NTRK2: variants seen among roughly 807,000 people sequenced by gnomAD.
NTRK2 encodes the protein neurotrophic receptor tyrosine kinase 2, also known as BDNF/NT-3 growth factors receptor.
In NTRK2, 13 loss-of-function variants were observed where a neutral mutation model predicts 94.5. That is an observed-to-expected ratio of 0.14 (90% CI 0.09 to 0.22). The LOEUF is 0.22. Ranked by LOEUF, NTRK2 falls within the 10% of genes least tolerant of loss-of-function variation. The pLI is 1.00. For synonymous variants in NTRK2, 372 were observed against 407.4 expected (o/e 0.91, Z 1.05); for missense variants, 639 against 1,071.2 (o/e 0.60, Z 5.63).
intron 14 of NTRK2, among the ~76,000 whole-genome samples, chr9:84,880,721 G>A (rs2076230406): frequency 6.6e-6 from 1 of 152,184 alleles, no homozygotes; most frequent in African/African-American, 2.4e-5. Flanking sequence ...GTCTTTTAAT[G>A]GAGAGAGTAA....
intron 14 of NTRK2, among the ~76,000 whole-genome samples, chr9:84,899,967 C>T (rs893635192): frequency 1.3e-5 from 2 of 152,112 alleles, no homozygotes; most frequent in South Asian, 2.1e-4. Flanking sequence ...TTAGAAAATA[C>T]GAAGGGATGC....
intron 14 of NTRK2, among the ~76,000 whole-genome samples, chr9:84,913,244 G>A (rs570591379): frequency 5.9e-5 from 9 of 152,010 alleles, no homozygotes; most frequent in Middle Eastern, 6.8e-3. Context: ...GTTGCTTTAG[G>A]CACATTTTAT....
At chr9:84,872,866 T>TC (rs2075915914) in intron 14 of NTRK2, 1 of 1,065,106 alleles carries the variant, frequency 9.4e-7, no homozygotes, top group Admixed American at 5.3e-5. Context: ...GCTAAAGCTA[T>TC]CACACAAGGC....
intron 12 of NTRK2, among the ~76,000 whole-genome samples, chr9:84,762,023 G>T (rs1026281261): frequency 6.7e-6 from 1 of 148,914 alleles, no homozygotes. Context: ...ACGATCTGAG[G>T]TTTTTTTTTT....
At position 85,022,999 on chromosome 9, in the gene NTRK2, A is replaced by C. The variant is rs1832857961; in HGVS notation, c.*1562A>C. The C allele has an allele frequency of 4.3e-6, 1 of 232,938 alleles. No homozygotes were observed. The highest frequency in any genetic ancestry group is 8.5e-6 in the Non-Finnish European group (1 of 117,952). 14.4% of individuals were successfully genotyped at this position (232,938 alleles called of 1,614,324 possible). ...AGTGGTTTCATTCCAAGTGTACTCC[A>C]TTGTCAGTATGCTGTTTTTGTTTCC... On this transcript the variant is annotated 3_prime_UTR_variant, in exon 19 of 19. Transcript: ENST00000277120.
At chr9:84,904,227 G>T (rs1365901817) in intron 14 of NTRK2, among the ~76,000 whole-genome samples, 1 of 152,168 alleles carries the variant, frequency 6.6e-6, no homozygotes, top group Non-Finnish European at 1.5e-5. Context: ...TGCTGTAAAA[G>T]GTTTAATTAT....
chr9:84,680,142 G>A (rs986057370), intron 2 of NTRK2, among the ~76,000 whole-genome samples: 4 of 152,124 alleles, frequency 2.6e-5, no homozygotes, highest in African/African-American at 9.7e-5. Flanking sequence ...TGTCATGTGG[G>A]TGGGCTGCCA....
At chr9:84,982,084 A>G (rs960969844) in intron 17 of NTRK2, among the ~76,000 whole-genome samples, 6 of 152,358 alleles carry the variant, frequency 3.9e-5, no homozygotes, top group Admixed American at 1.3e-4. Flanking sequence ...ATGCAATAGT[A>G]TCTTTCCTTT....
At chr9:84,852,349 A>T (rs1028488880) in intron 12 of NTRK2, among the ~76,000 whole-genome samples, 1 of 152,198 alleles carries the variant, frequency 6.6e-6, no homozygotes, top group African/African-American at 2.4e-5. Context: ...TAACAGGGAA[A>T]TTGTGTGTGT....
At chr9:84,988,381 A>T (rs1221997620) in intron 17 of NTRK2, among the ~76,000 whole-genome samples, 1 of 152,182 alleles carries the variant, frequency 6.6e-6, no homozygotes, top group South Asian at 2.1e-4. Flanking sequence ...TAAGGGGTGG[A>T]TCAGAGAGTG....
chr9:84,874,449 T>C (rs2075992973), intron 14 of NTRK2: 2 of 1,065,828 alleles, frequency 1.9e-6, no homozygotes, highest in Non-Finnish European at 2.3e-6. Context: ...CTGGGCTTCT[T>C]CTCAGATTAA....
In NTRK2 at chr9:84,841,638, C is replaced by T. The variant is rs577692029; in HGVS notation, c.1397-19402C>T. ...ATATCACTGTCTCCCGGAGGCCTTC[C>T]CTAACCATTGTTTTCAATTGCAGCC... On this transcript the variant is annotated intron_variant, in intron 12 of 18. Transcript: ENST00000277120. Among the ~76,000 whole-genome samples, 123 of 152,262 alleles carry T rather than the reference C, an allele frequency of 8.1e-4. 1 individual carries two copies. The highest frequency in any genetic ancestry group is 2.9e-3 in the African/African-American group (122 of 41,558).
At chr9:84,913,431 A>G (rs1211274158) in intron 14 of NTRK2, among the ~76,000 whole-genome samples, 1 of 152,192 alleles carries the variant, frequency 6.6e-6, no homozygotes, top group Admixed American at 6.5e-5. Flanking sequence ...GAAAATGTAT[A>G]ATTTTTGCTT....
intron 17 of NTRK2, among the ~76,000 whole-genome samples, chr9:84,959,138 A>T (rs555375930): frequency 4.1e-4 from 63 of 152,092 alleles, no homozygotes; most frequent in African/African-American, 1.3e-3. Context: ...ATTTTTAAAA[A>T]TTTTTTTCAT....
At chr9:84,691,502 A>T (rs1033223803) in intron 2 of NTRK2, among the ~76,000 whole-genome samples, 24 of 152,132 alleles carry the variant, frequency 1.6e-4, no homozygotes, top group African/African-American at 5.6e-4. Flanking sequence ...AGCCTGGAAA[A>T]TTTTAGTCTC....
chr9:84,675,453 C>A (rs1295328356), intron 2 of NTRK2, among the ~76,000 whole-genome samples: 2 of 150,856 alleles, frequency 1.3e-5, no homozygotes, highest in Non-Finnish European at 2.9e-5. Flanking sequence ...CATAAACTGG[C>A]CTTATCCCTC....
rs5898876 is a variant in NTRK2 at position 84,951,545 on chromosome 9, ATGTG to A, written c.1937+2925_1937+2928del. 2.0e-5 allele frequency among the ~76,000 whole-genome samples: 3 copies of A among 151,634 alleles called. No homozygotes were observed. In the East Asian group the frequency reaches 5.8e-4, roughly 29 times the overall value. On this transcript the variant is annotated intron_variant, in intron 16 of 18. Coordinates refer to ENST00000277120, the MANE Select transcript of NTRK2 (RefSeq NM_006180.6). The stretch of plus-strand genomic sequence containing the variant: ...TCACAGTGTGTCTGTACATACATGA[ATGTG>A]TGTGTGTGTGTGTTGCAACTTGACT...
Position 84,813,373 on chromosome 9 carries a change from C to T in NTRK2, c.1397-47667C>T, listed in dbSNP as rs116067020. On this transcript the variant is annotated intron_variant, in intron 12 of 18. Transcript: ENST00000277120. ...TGTCCCGATTGTTAAAAAGTTGGCT[C>T]AATTATTTTTAAAACATTTTGTAAG... The T allele has an allele frequency of 6.8e-4, 719 of 1,051,014 alleles. 5 individuals carry two copies. In the African/African-American group the frequency reaches 0.011, roughly 15 times the overall value. 65.1% of individuals were successfully genotyped at this position (1,051,014 alleles called of 1,614,324 possible). A position where few individuals can be genotyped will look rare whatever the true frequency, so the allele number is the denominator to read the frequency against.
intron 12 of NTRK2, among the ~76,000 whole-genome samples, chr9:84,851,669 G>A (rs1275335382): frequency 6.6e-6 from 1 of 152,170 alleles, no homozygotes; most frequent in African/African-American, 2.4e-5. Context: ...GCTGAAAGGT[G>A]ACATGAAACA....
Sources: allele counts gnomAD v4.1 joint callset (sites outside exome capture counted in the v4.1 genomes callset), GRCh38; gene constraint gnomAD v4.1.1; transcripts MANE v1.5; gene names NCBI Gene and HGNC (gene_info 2026-07-23, HGNC 2026-07-21).